PSMD14: variants seen among roughly 807,000 people sequenced by gnomAD.
PSMD14 encodes the protein proteasome 26S subunit, non-ATPase 14, also known as ubiquitin C-terminal hydrolase PSMD14.
A neutral mutation model predicts 41.2 loss-of-function variants in PSMD14; 7 were observed. The observed-to-expected ratio is 0.17, with a 90% CI of 0.10 to 0.32. The LOEUF is 0.32. Among genes scored for constraint, PSMD14 ranks in the 10% least tolerant of loss-of-function variants. The pLI is 1.00. For synonymous variants in PSMD14, 114 were observed against 122.3 expected (o/e 0.93, Z 0.45); for missense variants, 139 against 375.6 (o/e 0.37, Z 5.21).
chr2:161,370,414 T>A (rs1400128498), intron 6 of PSMD14, among the ~76,000 whole-genome samples: 2 of 152,132 alleles, frequency 1.3e-5, no homozygotes, highest in Non-Finnish European at 2.9e-5. Flanking sequence ...TGTCACATAG[T>A]AAGCTTGGGC....
At chr2:161,362,583 A>C (rs1402039497) in intron 3 of PSMD14, among the ~76,000 whole-genome samples, 1 of 152,196 alleles carries the variant, frequency 6.6e-6, no homozygotes, top group Non-Finnish European at 1.5e-5. Flanking sequence ...CACATTTAGT[A>C]ATGTATTTGT....
intron 1 of PSMD14, among the ~76,000 whole-genome samples, chr2:161,309,546 A>G (rs1015971739): frequency 2.0e-5 from 3 of 152,222 alleles, no homozygotes; most frequent in African/African-American, 7.2e-5. Context: ...TAACAAAAAC[A>G]TGAACACAGT....
intron 3 of PSMD14, chr2:161,340,965 T>A (rs1682946860): frequency 1.2e-6 from 2 of 1,613,046 alleles, no homozygotes; most frequent in African/African-American, 2.7e-5. Flanking sequence ...CTTCTCACCA[T>A]CCAAGTCCTG....
chr2:161,372,203 T>G (rs978896105), intron 7 of PSMD14, among the ~76,000 whole-genome samples: 12 of 152,128 alleles, frequency 7.9e-5, no homozygotes, highest in African/African-American at 2.9e-4. Context: ...GAGCATGTAC[T>G]TCCATTGTAG....
intron 7 of PSMD14, among the ~76,000 whole-genome samples, chr2:161,376,632 T>C (rs1490878560): frequency 6.6e-6 from 1 of 151,980 alleles, no homozygotes. Flanking sequence ...CTTACCATTT[T>C]CTAAGATATT....
intron 7 of PSMD14, chr2:161,384,171 CT>C (rs1683605248): frequency 6.6e-6 from 1 of 151,572 alleles, no homozygotes; most frequent in Non-Finnish European, 1.5e-5. Context: ...AAAATGTTAA[CT>C]GTTCAAAATA....
chr2:161,383,472 T>C (rs1683593965), intron 7 of PSMD14: 1 of 151,674 alleles, frequency 6.6e-6, no homozygotes, highest in African/African-American at 2.4e-5. Flanking sequence ...TAACAGATCA[T>C]GATATCTACT....
rs12471658 is a variant in PSMD14 at position 161,403,816 on chromosome 2, C to T, written c.772-5021C>T. On this transcript the variant is annotated intron_variant, in intron 10 of 11. Transcript: ENST00000409682. Reference sequence around the variant, plus strand: ...TTCAATTCTCAGCCTAACCCTTTCTCACTTTTGAGACCCTCACCATACCAC... The same window carrying T: ...TTCAATTCTCAGCCTAACCCTTTCTTACTTTTGAGACCCTCACCATACCAC... Among the ~76,000 whole-genome samples, 1,201 of 152,212 alleles carry T rather than the reference C, an allele frequency of 7.9e-3. 67 individuals are homozygous for T. In the East Asian group the frequency reaches 0.15, roughly 19 times the overall value.
chr2:161,314,923 C>T (rs1411910883), intron 1 of PSMD14, among the ~76,000 whole-genome samples: 1 of 152,064 alleles, frequency 6.6e-6, no homozygotes, highest in Non-Finnish European at 1.5e-5. Context: ...GGGCATATAC[C>T]AATGAGTGGA....
At chr2:161,338,220 A>G (rs1682895784) in intron 3 of PSMD14, among the ~76,000 whole-genome samples, 1 of 152,190 alleles carries the variant, frequency 6.6e-6, no homozygotes, top group Non-Finnish European at 1.5e-5. Flanking sequence ...CCTTGGAACT[A>G]TATTTAGAGC....
chr2:161,369,339 T>C (rs1458666080), intron 5 of PSMD14, among the ~76,000 whole-genome samples: 1 of 152,114 alleles, frequency 6.6e-6, no homozygotes, highest in Non-Finnish European at 1.5e-5. Context: ...CATATGTCTC[T>C]GTTGCATATT....
intron 3 of PSMD14, among the ~76,000 whole-genome samples, chr2:161,351,747 C>T (rs6432679): frequency 0.61 from 93,186 of 151,956 alleles, 29,713 homozygotes; most frequent in Non-Finnish European, 0.7. Context: ...TGCTCTGTTC[C>T]GTGGTATCAT....
At chr2:161,341,000 C>A in intron 3 of PSMD14, 1 of 1,611,762 alleles carries the variant, frequency 6.2e-7, no homozygotes, top group South Asian at 1.1e-5. Context: ...TCGCCTCCAC[C>A]GCCTGCTCCT....
intron 10 of PSMD14, among the ~76,000 whole-genome samples, chr2:161,403,182 A>T (rs1448495241): frequency 6.6e-6 from 1 of 152,240 alleles, no homozygotes; most frequent in African/African-American, 2.4e-5. Context: ...AAATTGAGGT[A>T]TGTACTTACA....
intron 3 of PSMD14, among the ~76,000 whole-genome samples, chr2:161,339,124 G>A (rs1214552335): frequency 6.6e-6 from 1 of 152,168 alleles, no homozygotes; most frequent in Non-Finnish European, 1.5e-5. Context: ...ACATTGTATG[G>A]ACAGGTGTTT....
chr2:161,387,629 A>G (rs899773753), intron 8 of PSMD14, among the ~76,000 whole-genome samples: 7 of 152,030 alleles, frequency 4.6e-5, no homozygotes, highest in Non-Finnish European at 1.0e-4. Flanking sequence ...AAAGATTATA[A>G]AACAGAATAT....
chr2:161,346,414 G>A (rs1212576100), intron 3 of PSMD14, among the ~76,000 whole-genome samples: 2 of 151,668 alleles, frequency 1.3e-5, no homozygotes, highest in Admixed American at 6.6e-5. Flanking sequence ...CTTTTTGACA[G>A]TTTTAAAAAC....
chr2:161,368,163 A>G (rs1332101632), intron 5 of PSMD14, among the ~76,000 whole-genome samples: 2 of 151,718 alleles, frequency 1.3e-5, no homozygotes, highest in Admixed American at 6.6e-5. Context: ...CTGGTGTAAA[A>G]TACTGGATTT....
chr2:161,364,081 G>C (rs1158120837), intron 3 of PSMD14, among the ~76,000 whole-genome samples: 1 of 152,158 alleles, frequency 6.6e-6, no homozygotes, highest in African/African-American at 2.4e-5. Context: ...CTTAGCAGAT[G>C]GGGGAGCCAG....
Sources: gnomAD v4.1 joint callset for allele counts (sites outside exome capture counted in the v4.1 genomes callset) on GRCh38, gnomAD v4.1.1 for gene constraint, MANE v1.5 for transcripts, NCBI Gene and HGNC (gene_info 2026-07-23, HGNC 2026-07-21) for gene names.